The following PKD1L1 variants were observed in gnomAD, a reference collection of about 807,000 sequenced individuals.
PKD1L1 encodes the protein polycystin-1-like protein 1.
Under a neutral mutation model 323.4 loss-of-function variants are expected in PKD1L1, and 236 were observed. The observed-to-expected ratio is 0.73, with a 90% CI of 0.66 to 0.81. PKD1L1 has a LOEUF of 0.81. Ranked by LOEUF, PKD1L1 falls within the 40% of genes least tolerant of loss-of-function variation. The pLI is 0.00. For missense variants in PKD1L1, 3,320 were observed against 3,508.0 expected, an observed-to-expected ratio of 0.95 and a Z score of 1.35; for synonymous variants, 1,344 against 1,335.0, an observed-to-expected ratio of 1.01 and a Z score of -0.15.
At chr7:47,933,153 G>T (rs899781529) in intron 4 of PKD1L1, among the ~76,000 whole-genome samples, 3 of 152,166 alleles carry the variant, frequency 2.0e-5, no homozygotes, top group African/African-American at 7.2e-5. Flanking sequence ...GACAGCAGTC[G>T]TGTCTCACTC....
chr7:47,952,159 C>T (rs956374198), upstream of PKD1L1, among the ~76,000 whole-genome samples: 1 of 152,334 alleles, frequency 6.6e-6, no homozygotes, highest in Admixed American at 6.5e-5. Flanking sequence ...CGGAGACAAA[C>T]ACAGTGCTTG....
At chr7:47,854,485 A>G (rs1315293445) in intron 30 of PKD1L1, among the ~76,000 whole-genome samples, 1 of 152,112 alleles carries the variant, frequency 6.6e-6, no homozygotes, top group Non-Finnish European at 1.5e-5. Flanking sequence ...GCCTATACAA[A>G]TCTCATGAAC....
At chr7:47,886,099 T>C in intron 17 of PKD1L1, 45 bp from the exon 18 acceptor site, 1 of 1,554,406 alleles carries the variant, frequency 6.4e-7, no homozygotes, top group South Asian at 1.2e-5. Context: ...AGCAAAAATA[T>C]AAAATATTTG....
At chr7:47,777,720 C>T (rs1466203535) in intron 56 of PKD1L1, among the ~76,000 whole-genome samples, 1 of 152,186 alleles carries the variant, frequency 6.6e-6, no homozygotes, top group Admixed American at 6.5e-5. Context: ...CAGAGCAAAA[C>T]AGGATCCAGG....
At chr7:47,906,897 T>TAAAA (rs58556871) in intron 9 of PKD1L1, among the ~76,000 whole-genome samples, 76 of 149,548 alleles carry the variant, frequency 5.1e-4, no homozygotes, top group African/African-American at 1.8e-3. Context: ...TCAAAAGTGT[T>TAAAA]AAAAAAAAAA....
In PKD1L1 at chr7:47,843,154, C is replaced by A. The variant is rs1423755056; in HGVS notation, c.5253G>T (p.Leu1751Phe). The stretch of plus-strand genomic sequence containing the variant: ...AACCCATAATAAAAATACTGGGAAG[C>A]AAGTTTTCTGGGTGGCTATAAACAA... ...ISKLQSHPENLLPSIFIMGSV... is the reference protein window; with the variant it reads ...ISKLQSHPENFLPSIFIMGSV... The change falls in exon 34 of 57, where the codon TTG becomes TTT. Residue 1751 changes from leucine to phenylalanine, a missense_variant. By Grantham distance (22) the Leu-to-Phe change is conservative. Coordinates refer to ENST00000289672, the MANE Select transcript of PKD1L1 (RefSeq NM_138295.5). 6.2e-7 allele frequency: 1 copy of A among 1,611,140 alleles called. No individual in the cohort carries two copies. Among genetic ancestry groups the A allele is most frequent in the South Asian group, 1.1e-5 (1 of 90,320 alleles).
intron 42 of PKD1L1, among the ~76,000 whole-genome samples, chr7:47,830,727 C>G (rs1368796979): frequency 6.6e-6 from 1 of 152,128 alleles, no homozygotes; most frequent in Non-Finnish European, 1.5e-5. Flanking sequence ...ACTGAGTGAC[C>G]CTGGGGTCTC....
intron 56 of PKD1L1, among the ~76,000 whole-genome samples, chr7:47,791,910 C>A (rs1786956942): frequency 6.6e-6 from 1 of 152,196 alleles, no homozygotes; most frequent in Admixed American, 6.5e-5. Context: ...TTCTTTTTCA[C>A]TGTGTACCTG....
At chr7:47,915,161 C>G (rs928195420) in intron 8 of PKD1L1, among the ~76,000 whole-genome samples, 10 of 152,220 alleles carry the variant, frequency 6.6e-5, no homozygotes, top group Non-Finnish European at 1.5e-4. Context: ...CAAACCTCCT[C>G]TAAATGATCA....
At chr7:47,833,318 C>T (rs1785388260) in intron 40 of PKD1L1, 66 bp from the exon 41 acceptor site, 16 of 1,539,764 alleles carry the variant, frequency 1.0e-5, no homozygotes, top group Non-Finnish European at 1.4e-5. Flanking sequence ...TGACGCTCAA[C>T]AGTGGTGTGG....
chr7:47,957,987 A>C, the PKD1L1 span, among the ~76,000 whole-genome samples: 1 of 151,876 alleles, frequency 6.6e-6, no homozygotes, highest in East Asian at 1.9e-4. Context: ...GTGTTCATGG[A>C]TTGAAAGAAT....
intron 9 of PKD1L1, among the ~76,000 whole-genome samples, chr7:47,907,681 G>A (rs768375752): frequency 1.3e-5 from 2 of 152,258 alleles, no homozygotes; most frequent in African/African-American, 2.4e-5. Context: ...CCTCCAGCCC[G>A]TGCTGCAAGG....
chr7:47,827,382 C>T lies in PKD1L1; in HGVS notation c.6822G>A (p.Met2274Ile). ...KAQLRGTRQR[M>I]RRESRTRAAL... The stretch of plus-strand genomic sequence containing the variant: ...CAGCCCGTGTGCGACTCTCTCTCCT[C>T]ATCCTCTGTCTGGTGCCCCTCAGCT... Residue 2274 changes from methionine (M) to isoleucine (I), a missense_variant, in exon 45 of 57, where the codon ATG becomes ATA. Met to Ile is a conservative substitution (Grantham distance 10, BLOSUM62 1). Transcript: ENST00000289672. 1 of 1,613,368 alleles carries T rather than the reference C, an allele frequency of 6.2e-7. No individual in the cohort carries two copies. Among genetic ancestry groups the T allele is most frequent in the Non-Finnish European group, 8.5e-7 (1 of 1,179,820 alleles).
In PKD1L1 at chr7:47,840,966, T is replaced by C. The variant is rs1785552829; in HGVS notation, c.5446-399A>G. On this transcript the variant is annotated intron_variant, in intron 34 of 56. Coordinates refer to ENST00000289672, the MANE Select transcript of PKD1L1 (RefSeq NM_138295.5). The surrounding 1 kb of genome is among the most constrained non-coding windows in gnomAD (Gnocchi z 4.1). Reference sequence around the variant, plus strand: ...ACGCAGAGTAGGGTACCCATGCACCTGTGGGCACACCCTGGGGAGGCACAT... The same window carrying C: ...ACGCAGAGTAGGGTACCCATGCACCCGTGGGCACACCCTGGGGAGGCACAT... 1.3e-5 allele frequency among the ~76,000 whole-genome samples: 2 copies of C among 152,350 alleles called. No homozygotes were observed. Among genetic ancestry groups the C allele is most frequent in the Admixed American group, 1.3e-4 (2 of 15,296 alleles).
Position 47,808,285 on chromosome 7 carries a change from C to A in PKD1L1, c.7789G>T (p.Ala2597Ser), listed in dbSNP as rs746861298. 1 of 1,614,162 alleles carries A rather than the reference C, an allele frequency of 6.2e-7. No individual in the cohort carries two copies. Among genetic ancestry groups the A allele is most frequent in the Non-Finnish European group, 8.5e-7 (1 of 1,180,034 alleles). Residue 2597 changes from alanine (A) to serine (S), a missense_variant, in exon 52 of 57, where the codon GCA becomes TCA. Transcript: ENST00000289672. ...TNQFHRGLCR[A>S]FMDLTLMASW... ...GCCATAAGGGTGAGGTCCATAAATG[C>A]TCGGCAAAGTCCTCTGTGAAACTGG...
intron 42 of PKD1L1, 122 bp from the exon 43 acceptor site, chr7:47,830,246 C>T: frequency 1.3e-6 from 1 of 752,794 alleles, no homozygotes. Context: ...TGGCAGGAAG[C>T]CTGCTGTGGG....
At chr7:47,833,342 C>T in intron 40 of PKD1L1, 90 bp from the exon 41 acceptor site, 1 of 1,419,070 alleles carries the variant, frequency 7.0e-7, no homozygotes, top group East Asian at 2.5e-5. Flanking sequence ...GCCGCCTTCT[C>T]AGAGGACAGG....
chr7:47,959,104 G>A, the PKD1L1 span, among the ~76,000 whole-genome samples: 1 of 152,246 alleles, frequency 6.6e-6, no homozygotes, highest in Non-Finnish European at 1.5e-5. Context: ...GATTGCAGAT[G>A]GAGTCTGGTT....
intron 14 of PKD1L1, among the ~76,000 whole-genome samples, chr7:47,894,406 G>C (rs1221438066): frequency 6.6e-6 from 1 of 152,160 alleles, no homozygotes; most frequent in East Asian, 1.9e-4. Flanking sequence ...TGGCTTTTGT[G>C]CAACTTCCTT....
Sources: allele counts gnomAD v4.1 joint callset (sites outside exome capture counted in the v4.1 genomes callset), GRCh38; gene constraint gnomAD v4.1.1; non-coding constraint Gnocchi (gnomAD v3.1); transcripts MANE v1.5; gene names NCBI Gene and HGNC (gene_info 2026-07-23, HGNC 2026-07-21).